Variants in ZMAT4 observed in about 807,000 individuals in gnomAD.
The protein encoded by ZMAT4 is zinc finger matrin-type protein 4.
ZMAT4 carries 17 observed loss-of-function variants against 28.7 expected under a neutral mutation model. That is an observed-to-expected ratio of 0.59 (90% CI 0.41 to 0.89). The LOEUF is 0.89. ZMAT4 is among the 40% of genes least tolerant of loss of function. ZMAT4 has a pLI of 0.00. For missense variants in ZMAT4, 240 were observed against 283.8 expected (o/e 0.85, Z 1.11); for synonymous variants, 117 against 109.2 (o/e 1.07, Z -0.44).
intron 3 of ZMAT4, among the ~76,000 whole-genome samples, chr8:40,733,550 T>C (rs933223633): frequency 1.3e-5 from 2 of 152,140 alleles, no homozygotes; most frequent in Admixed American, 1.3e-4. Flanking sequence ...CAGAAGCTTT[T>C]GGATTTGTTG....
intron 3 of ZMAT4, among the ~76,000 whole-genome samples, chr8:40,734,032 G>T (rs1324025803): frequency 2.6e-5 from 4 of 152,194 alleles, no homozygotes; most frequent in African/African-American, 9.6e-5. Context: ...AAGGAAGGTA[G>T]TTCCTAGGTA....
chr8:40,647,412 C>G (rs529830943), intron 5 of ZMAT4, among the ~76,000 whole-genome samples: 2 of 152,338 alleles, frequency 1.3e-5, no homozygotes, highest in South Asian at 4.1e-4. Context: ...CCGCACCTGG[C>G]TCGGAGGGTC....
At chr8:40,749,058 G>A (rs905628730) in intron 3 of ZMAT4, among the ~76,000 whole-genome samples, 1 of 152,120 alleles carries the variant, frequency 6.6e-6, no homozygotes, top group African/African-American at 2.4e-5. Context: ...TCTCTTGTCT[G>A]CCACCATGTA....
intron 6 of ZMAT4, among the ~76,000 whole-genome samples, chr8:40,576,868 G>T (rs1029149823): frequency 1.3e-5 from 2 of 152,116 alleles, no homozygotes; most frequent in African/African-American, 2.4e-5. Flanking sequence ...CCACTACTGG[G>T]TATGTATCCA....
chr8:40,803,580 G>A (rs988034926), intron 2 of ZMAT4, among the ~76,000 whole-genome samples: 52 of 152,244 alleles, frequency 3.4e-4, no homozygotes, highest in African/African-American at 1.2e-3. Flanking sequence ...CCAGAACACT[G>A]ACAATAGTAT....
rs74695909 is a variant in ZMAT4 at position 40,571,272 on chromosome 8, A to G, written c.674+9893T>C. 1.1e-3 allele frequency among the ~76,000 whole-genome samples: 159 copies of G among 148,508 alleles called. 3 individuals carry two copies. In the East Asian group the frequency reaches 0.029, roughly 27 times the overall value. On this transcript the variant is annotated intron_variant, in intron 6 of 6. Transcript: ENST00000297737. Reference sequence around the variant, plus strand: ...CTGTAATTATAATGTATCCCTAGGTACAGCCTGTATAGCAAAAGCATGCAA... The same window carrying G: ...CTGTAATTATAATGTATCCCTAGGTGCAGCCTGTATAGCAAAAGCATGCAA...
At chr8:40,700,090 G>C (rs1194706759) in intron 3 of ZMAT4, among the ~76,000 whole-genome samples, 1 of 152,170 alleles carries the variant, frequency 6.6e-6, no homozygotes, top group African/African-American at 2.4e-5. Flanking sequence ...CCTACTAATT[G>C]TGTTAGGTGC....
chr8:40,867,340 CTGGTGGGTTGCAGG>C (rs890413729), intron 1 of ZMAT4, among the ~76,000 whole-genome samples: 12 of 152,172 alleles, frequency 7.9e-5, no homozygotes, highest in African/African-American at 2.9e-4. Flanking sequence ...CCACGTGCAG[CTGGTGGGTTGCAGG>C]TTGGACAAGC....
intron 2 of ZMAT4, among the ~76,000 whole-genome samples, chr8:40,824,653 G>T (rs1244909101): frequency 1.5e-5 from 2 of 132,166 alleles, no homozygotes; most frequent in Non-Finnish European, 3.2e-5. Context: ...AGGGAAGGAA[G>T]GAAGGGAAGG....
At chr8:40,820,011 A>T (rs1815690683) in intron 2 of ZMAT4, among the ~76,000 whole-genome samples, 1 of 152,164 alleles carries the variant, frequency 6.6e-6, no homozygotes, top group South Asian at 2.1e-4. Context: ...AAGGTCCTCA[A>T]GTAACATCAT....
rs141502957 is a variant in ZMAT4 at position 40,580,992 on chromosome 8, AT to A, written c.674+172del. Reference sequence around the variant, plus strand: ...AAGAGATTCTTATTACTCATGCCAAATAAAGGGAAGAAGCCATTCTTCAAGT... The same window carrying A: ...AAGAGATTCTTATTACTCATGCCAAAAAAGGGAAGAAGCCATTCTTCAAGT... On this transcript the variant is annotated intron_variant, in intron 6 of 6. Transcript: ENST00000297737. 1.1e-4 allele frequency among the ~76,000 whole-genome samples: 16 copies of A among 152,334 alleles called. No homozygotes were observed. In the East Asian group the frequency reaches 3.1e-3, roughly 29 times the overall value.
chr8:40,873,899 C>T (rs540253386), intron 1 of ZMAT4, among the ~76,000 whole-genome samples: 1 of 152,214 alleles, frequency 6.6e-6, no homozygotes, highest in South Asian at 2.1e-4. Context: ...GGGGTGAGGA[C>T]CTTAATTAAC....
At chr8:40,725,145 G>GTTGTGCT (rs1193357835) in intron 3 of ZMAT4, among the ~76,000 whole-genome samples, 1 of 152,174 alleles carries the variant, frequency 6.6e-6, no homozygotes, top group Non-Finnish European at 1.5e-5. Context: ...AGGCATTAGA[G>GTTGTGCT]TTGTGCTTCC....
At chr8:40,556,335 T>C (rs1160930360) in intron 6 of ZMAT4, among the ~76,000 whole-genome samples, 3 of 152,178 alleles carry the variant, frequency 2.0e-5, no homozygotes, top group African/African-American at 4.8e-5. Context: ...TTAACATGAA[T>C]ACAATTCAAC....
chr8:40,613,093 G>A (rs1412779010), intron 5 of ZMAT4, among the ~76,000 whole-genome samples: 5 of 151,384 alleles, frequency 3.3e-5, no homozygotes, highest in Admixed American at 2.6e-4. Flanking sequence ...TTACAGGTGT[G>A]AGCCACCGTG....
At chr8:40,589,722 T>TCTTCC (rs1804791087) in intron 5 of ZMAT4, among the ~76,000 whole-genome samples, 1 of 130,558 alleles carries the variant, frequency 7.7e-6, no homozygotes, top group Admixed American at 7.6e-5. Context: ...CCTTCTTCCT[T>TCTTCC]CTTCCTTTCC....
chr8:40,640,356 G>A (rs1806964940), intron 5 of ZMAT4, among the ~76,000 whole-genome samples: 1 of 152,106 alleles, frequency 6.6e-6, no homozygotes, highest in African/African-American at 2.4e-5. Context: ...AATCCAATAG[G>A]TCCATTTATT....
chr8:40,826,733 T>A (rs541312404), intron 1 of ZMAT4, among the ~76,000 whole-genome samples: 2 of 152,240 alleles, frequency 1.3e-5, no homozygotes, highest in South Asian at 4.2e-4. Flanking sequence ...ACACCACAAA[T>A]GATCCCACAA....
chr8:40,842,976 C>T (rs529932281), intron 1 of ZMAT4, among the ~76,000 whole-genome samples: 1 of 152,262 alleles, frequency 6.6e-6, no homozygotes, highest in Non-Finnish European at 1.5e-5. Flanking sequence ...GGGGTTTCGC[C>T]ATGTTGGCTA....
Sources: allele counts gnomAD v4.1 joint callset (sites outside exome capture counted in the v4.1 genomes callset), GRCh38; gene constraint gnomAD v4.1.1; transcripts MANE v1.5; gene names NCBI Gene and HGNC (gene_info 2026-07-23, HGNC 2026-07-21).